PRKDC: variants seen among roughly 807,000 people sequenced by gnomAD.
The protein encoded by PRKDC is DNA-dependent protein kinase catalytic subunit.
Under a neutral mutation model 486.9 loss-of-function variants are expected in PRKDC, and 82 were observed. The ratio of observed to expected loss-of-function variants is 0.17; its 90% CI spans 0.14 to 0.20. PRKDC has a LOEUF of 0.20. Ranked by LOEUF, PRKDC falls within the 10% of genes least tolerant of loss-of-function variation. The pLI is 1.00. For missense variants in PRKDC, 4,504 were observed against 5,038.2 expected, an observed-to-expected ratio of 0.89 and a Z score of 3.21; for synonymous variants, 1,895 against 1,837.0, an observed-to-expected ratio of 1.03 and a Z score of -0.81.
At chr8:47,957,985 T>C (rs1312054695) in intron 1 of PRKDC, among the ~76,000 whole-genome samples, 2 of 152,154 alleles carry the variant, frequency 1.3e-5, no homozygotes, top group Non-Finnish European at 2.9e-5. Flanking sequence ...CTTGTGAATA[T>C]GTTAAATGTA....
At position 47,936,372 on chromosome 8, in the gene PRKDC, A is replaced by G. The variant is rs2090351774; in HGVS notation, c.1259T>C (p.Val420Ala). ...ACTTACTGTGTCAAGGTACAGCAAG[A>G]CGCTTGCAACAGACTGGAGGAAGCT... The part of the protein sequence containing the change: ...MPSFLQSVAS[V>A]LLYLDTVPEV... The change falls in exon 12 of 86, where the codon GTC becomes GCC. Residue 420 changes from valine to alanine, a missense_variant. Val to Ala is a moderately conservative substitution (Grantham distance 64, BLOSUM62 0). Coordinates refer to ENST00000314191, the MANE Select transcript of PRKDC (RefSeq NM_006904.7). 1 of 1,612,650 alleles carries G rather than the reference A, an allele frequency of 6.2e-7. No individual in the cohort carries two copies.
chr8:47,778,694 A>AT (rs2086649541), intron 82 of PRKDC, 34 bp from the exon 83 acceptor site: 1 of 1,613,430 alleles, frequency 6.2e-7, no homozygotes, highest in Non-Finnish European at 8.5e-7. Context: ...GGCTGCTGTG[A>AT]TCCCACTAAG....
intron 26 of PRKDC, among the ~76,000 whole-genome samples, chr8:47,904,239 A>C (rs1431176612): frequency 6.6e-6 from 1 of 152,244 alleles, no homozygotes; most frequent in African/African-American, 2.4e-5. Context: ...AGAAAATTGG[A>C]TATACTCAGA....
chr8:47,893,578 A>G (rs1589771898), intron 30 of PRKDC, among the ~76,000 whole-genome samples, 191 bp from the exon 31 acceptor site: 1 of 152,228 alleles, frequency 6.6e-6, no homozygotes, highest in East Asian at 1.9e-4. Context: ...CTCAAACATT[A>G]TAAAAATAGT....
intron 37 of PRKDC, among the ~76,000 whole-genome samples, 177 bp downstream of exon 37, chr8:47,881,731 TAGTA>T (rs748987550): frequency 1.3e-4 from 20 of 152,180 alleles, no homozygotes; most frequent in Admixed American, 7.9e-4. Flanking sequence ...GCATAAGAAA[TAGTA>T]AGTCTAATAA....
At position 47,834,275 on chromosome 8, in the gene PRKDC, T is replaced by C; in HGVS notation, c.8073A>G (p.Ala2691=). The C allele has an allele frequency of 6.2e-7, 1 of 1,613,914 alleles. No individual in the cohort carries two copies. Among genetic ancestry groups the C allele is most frequent in the Non-Finnish European group, 8.5e-7 (1 of 1,179,854 alleles). ...AHKRSERLQR[A]PLKSVGPDFG... is the part of the protein sequence containing the mutation. ...AATCAGGCCCCACTGACTTCAAGGG[T>C]GCTCTCTGTAACCTTTCACTCCTCT... Residue 2691 remains alanine (A), a synonymous_variant, in exon 59 of 86, where the codon GCA becomes GCG. Coordinates refer to ENST00000314191, the MANE Select transcript of PRKDC (RefSeq NM_006904.7).
Position 47,800,932 on chromosome 8 carries a change from T to C in PRKDC, c.9977A>G (p.Gln3326Arg). The change falls in exon 71 of 86, where the codon CAG (glutamine) becomes CGG (arginine). Residue 3326 changes from glutamine (Q) to arginine (R), a missense_variant. Transcript: ENST00000314191. Reference sequence around the variant, plus strand: ...GTAAGTTGTACCCAAGAGAATGTTCTGGTCACGGAAAGCCAGAATATTTTT... The same window carrying C: ...GTAAGTTGTACCCAAGAGAATGTTCCGGTCACGGAAAGCCAGAATATTTTT... Reference protein sequence around the residue: ...LSKNILAFRDQNILLGTTYRI... With the variant: ...LSKNILAFRDRNILLGTTYRI... 3 of 1,614,030 alleles carry C rather than the reference T, an allele frequency of 1.9e-6. No individual in the cohort carries two copies. The highest frequency in any genetic ancestry group is 2.5e-6 in the Non-Finnish European group (3 of 1,179,892).
intron 5 of PRKDC, 64 bp downstream of exon 5, chr8:47,954,274 T>C (rs2154504591): frequency 4.3e-6 from 3 of 703,324 alleles, no homozygotes; most frequent in East Asian, 3.2e-5. Context: ...CTAAGTCTTA[T>C]GCTAATAATT....
chr8:47,778,866 A>G, intron 81 of PRKDC, 67 bp from the exon 82 acceptor site: 1 of 1,514,568 alleles, frequency 6.6e-7, no homozygotes, highest in South Asian at 1.2e-5. Flanking sequence ...AAATTTTAAA[A>G]CTTTTTGTTT....
chr8:47,819,810 A>G (rs796430211), intron 66 of PRKDC, among the ~76,000 whole-genome samples: 5 of 152,272 alleles, frequency 3.3e-5, no homozygotes, highest in African/African-American at 1.2e-4. Flanking sequence ...CCTATAATGT[A>G]AAACTGCTGA....
chr8:47,822,016 C>T (rs904234261), intron 64 of PRKDC, among the ~76,000 whole-genome samples: 1 of 152,242 alleles, frequency 6.6e-6, no homozygotes, highest in Non-Finnish European at 1.5e-5. Context: ...GGCACGCTGG[C>T]TCACGCCTGT....
At chr8:47,836,803 C>T (rs1294396570) in intron 57 of PRKDC, among the ~76,000 whole-genome samples, 1 of 152,246 alleles carries the variant, frequency 6.6e-6, no homozygotes, top group African/African-American at 2.4e-5. Flanking sequence ...AACCCAAATG[C>T]AATGAGTCAA....
At chr8:47,868,996 C>G (rs554317249) in intron 40 of PRKDC, among the ~76,000 whole-genome samples, 2 of 152,284 alleles carry the variant, frequency 1.3e-5, no homozygotes, top group South Asian at 2.1e-4. Flanking sequence ...TAATCAGAAG[C>G]AAACTGTCCA....
intron 76 of PRKDC, among the ~76,000 whole-genome samples, chr8:47,788,657 TC>T (rs376420616): frequency 2.2e-3 from 330 of 152,284 alleles, no homozygotes; most frequent in African/African-American, 7.3e-3. Context: ...GATCTAAAAA[TC>T]TGAGCATGAA....
chr8:47,803,017 G>A (rs1409263131), intron 70 of PRKDC, among the ~76,000 whole-genome samples: 1 of 152,210 alleles, frequency 6.6e-6, no homozygotes, highest in Non-Finnish European at 1.5e-5. Context: ...TCGATCTCCT[G>A]ACCTCGTGAT....
At position 47,888,989 on chromosome 8, in the gene PRKDC, C is replaced by T. The variant is rs372199362; in HGVS notation, c.4280+25G>A. 7 of 1,600,558 alleles carry T rather than the reference C, an allele frequency of 4.4e-6. No homozygotes were observed. The South Asian group carries it at 4.4e-5, about 10-fold the overall frequency. On this transcript the variant is annotated intron_variant, in intron 33 of 85. Transcript: ENST00000314191. ...GGCCTGAAATTCCAGGACAACATGT[C>T]CCCGATTGTGACCCAAGTACCCACC...
chr8:47,783,284 A>G (rs895070207), intron 78 of PRKDC, among the ~76,000 whole-genome samples: 5 of 147,604 alleles, frequency 3.4e-5, no homozygotes, highest in East Asian at 1.9e-4. Context: ...GTCTCAAAAA[A>G]AAAAAAGAAA....
intron 1 of PRKDC, among the ~76,000 whole-genome samples, chr8:47,957,678 T>A (rs558984602): frequency 6.8e-6 from 1 of 146,956 alleles, no homozygotes; most frequent in East Asian, 2.0e-4. Context: ...GCCCGGCTAA[T>A]TTTTTTTTTG....
chr8:47,943,419 G>C, intron 9 of PRKDC, 53 bp from the exon 10 acceptor site: 2 of 1,516,904 alleles, frequency 1.3e-6, no homozygotes, highest in Non-Finnish European at 1.8e-6. Context: ...ACACAGAACA[G>C]AAAACCAACA....
Sources: allele counts gnomAD v4.1 joint callset (sites outside exome capture counted in the v4.1 genomes callset), GRCh38; gene constraint gnomAD v4.1.1; transcripts MANE v1.5; gene names NCBI Gene and HGNC (gene_info 2026-07-23, HGNC 2026-07-21).